The following COLEC12 variants were observed in gnomAD, a reference collection of about 807,000 sequenced individuals.
The protein encoded by COLEC12 is collectin subfamily member 12.
In COLEC12, 33 loss-of-function variants were observed where a neutral mutation model predicts 71.1. The ratio of observed to expected loss-of-function variants is 0.46; its 90% CI spans 0.35 to 0.62. The LOEUF (loss-of-function observed/expected upper bound fraction) is 0.62, where lower values mean the gene tolerates loss of function less well. COLEC12 is among the 20% of genes least tolerant of loss of function. The pLI, the probability that COLEC12 is intolerant of heterozygous loss-of-function variation, is 0.00. For synonymous variants in COLEC12, 350 were observed against 353.0 expected (o/e 0.99, Z 0.10); for missense variants, 765 against 916.1 (o/e 0.84, Z 2.13).
At chr18:465,498 CA>C (rs1370829905) in intron 2 of COLEC12, among the ~76,000 whole-genome samples, 1 of 152,192 alleles carries the variant, frequency 6.6e-6, no homozygotes, top group Non-Finnish European at 1.5e-5. Flanking sequence ...TGCTAAGATC[CA>C]AAGTTCCTTG....
At chr18:462,387 T>C (rs1341196835) in intron 2 of COLEC12, among the ~76,000 whole-genome samples, 2 of 152,174 alleles carry the variant, frequency 1.3e-5, no homozygotes, top group Admixed American at 6.5e-5. Flanking sequence ...ACAACATGGA[T>C]GAAACTTGAA....
chr18:475,892 G>A (rs1176249900), intron 2 of COLEC12, among the ~76,000 whole-genome samples: 8 of 152,208 alleles, frequency 5.3e-5, no homozygotes, highest in African/African-American at 1.4e-4. Flanking sequence ...GGGGCACTGA[G>A]AGGCAGGGCT....
chr18:482,801 T>C (rs1417670211), intron 1 of COLEC12, among the ~76,000 whole-genome samples: 2 of 151,602 alleles, frequency 1.3e-5, no homozygotes, highest in African/African-American at 2.4e-5. Flanking sequence ...TTAGTAGAGA[T>C]GGGGTTTCAC....
intron 3 of COLEC12, among the ~76,000 whole-genome samples, chr18:350,714 G>C (rs1485855239): frequency 1.3e-5 from 2 of 152,064 alleles, no homozygotes; most frequent in African/African-American, 4.8e-5. Flanking sequence ...GATCATTTGA[G>C]CTCAGGAGTT....
At chr18:482,339 C>A (rs954601682) in intron 1 of COLEC12, among the ~76,000 whole-genome samples, 13 of 152,186 alleles carry the variant, frequency 8.5e-5, no homozygotes, top group African/African-American at 2.6e-4. Context: ...GTCTCAAACT[C>A]CTGACCTTAG....
In COLEC12 at chr18:335,015, C is replaced by A; in HGVS notation, c.1543G>T (p.Gly515Trp). 1 of 1,586,966 alleles carries A rather than the reference C, an allele frequency of 6.3e-7. No individual in the cohort carries two copies. The highest frequency in any genetic ancestry group is 8.5e-7 in the Non-Finnish European group (1 of 1,171,356). Residue 515 changes from glycine (G) to tryptophan (W), a missense_variant, in exon 6 of 10, where the codon GGG becomes TGG. Transcript: ENST00000400256. ...QGPKGSRGSP[G>W]KPGPQGSSGD... ...CTGGAGCCCTGAGGGCCGGGCTTCC[C>A]AGGGGAACCACGGGAGCCTTTGGGG...
rs192525084 is a variant in COLEC12 at position 346,656 on chromosome 18, C to G, written c.966G>C (p.Glu322Asp). Residue 322 changes from glutamate to aspartate, a missense_variant, in exon 5 of 10, where the codon GAG (glutamate) becomes GAC (aspartate). Physicochemically the swap from Glu to Asp is conservative, Grantham distance 45. Coordinates refer to ENST00000400256, the MANE Select transcript of COLEC12 (RefSeq NM_130386.3). The surrounding 1 kb of genome is among the most constrained non-coding windows in gnomAD (Gnocchi z 4.0). ...GGTTGAACTTGATGGCTGTTCTATTCTCTGCATCTTTGTGTAAGTCCTGCA... is the reference window on the plus strand; with the variant it reads ...GGTTGAACTTGATGGCTGTTCTATTGTCTGCATCTTTGTGTAAGTCCTGCA... Reference protein sequence around the residue: ...KDLQDLHKDAENRTAIKFNQL... With the variant: ...KDLQDLHKDADNRTAIKFNQL... 6 of 1,614,218 alleles carry G rather than the reference C, an allele frequency of 3.7e-6. No homozygotes were observed. The Admixed American group carries it at 6.7e-5, about 18-fold the overall frequency.
chr18:358,648 G>A (rs112232709), intron 2 of COLEC12, among the ~76,000 whole-genome samples: 1 of 152,146 alleles, frequency 6.6e-6, no homozygotes, highest in Non-Finnish European at 1.5e-5. Context: ...TCACTCACTC[G>A]CCCACTGCTC....
intron 2 of COLEC12, among the ~76,000 whole-genome samples, chr18:449,078 A>G (rs1291304831): frequency 6.6e-6 from 1 of 152,036 alleles, no homozygotes; most frequent in African/African-American, 2.4e-5. Context: ...AAACCTATAA[A>G]TTATAATAAA....
At chr18:425,936 A>G (rs753719676) in intron 2 of COLEC12, among the ~76,000 whole-genome samples, 3 of 152,136 alleles carry the variant, frequency 2.0e-5, no homozygotes, top group Non-Finnish European at 4.4e-5. Context: ...TTGGTATAGC[A>G]TTTTTCATTT....
chr18:348,559 C>G (rs1374836361), intron 3 of COLEC12, among the ~76,000 whole-genome samples: 1 of 152,182 alleles, frequency 6.6e-6, no homozygotes, highest in African/African-American at 2.4e-5. Flanking sequence ...TCATCAGCTT[C>G]CCTAACATTC....
chr18:365,792 G>C (rs551670582), intron 2 of COLEC12, among the ~76,000 whole-genome samples: 1 of 152,182 alleles, frequency 6.6e-6, no homozygotes, highest in South Asian at 2.1e-4. Context: ...TTCTCCAGTT[G>C]CTCCCGCACC....
At chr18:374,784 T>G (rs752235312) in intron 2 of COLEC12, among the ~76,000 whole-genome samples, 1 of 152,116 alleles carries the variant, frequency 6.6e-6, no homozygotes, top group African/African-American at 2.4e-5. Context: ...CTGGCCCCAA[T>G]AACTAACTCA....
intron 2 of COLEC12, among the ~76,000 whole-genome samples, chr18:390,893 C>G (rs1209736665): frequency 6.6e-6 from 1 of 151,374 alleles, no homozygotes; most frequent in Non-Finnish European, 1.5e-5. Flanking sequence ...AGCAAGCACA[C>G]GGGCACAGGG....
At chr18:491,405 G>A (rs960909494) in intron 1 of COLEC12, among the ~76,000 whole-genome samples, 3 of 152,200 alleles carry the variant, frequency 2.0e-5, no homozygotes, top group Non-Finnish European at 4.4e-5. Context: ...CCTTGTAATA[G>A]CAATAAGCTC....
intron 2 of COLEC12, among the ~76,000 whole-genome samples, chr18:474,903 T>C (rs1162369719): frequency 6.6e-6 from 1 of 151,618 alleles, no homozygotes; most frequent in Non-Finnish European, 1.5e-5. Context: ...TAAAACCCCG[T>C]CTCTACTAAA....
chr18:429,373 A>C (rs1916257828), intron 2 of COLEC12, among the ~76,000 whole-genome samples: 1 of 150,212 alleles, frequency 6.7e-6, no homozygotes, highest in Admixed American at 6.7e-5. Context: ...TTTTCATGTA[A>C]TTCTTTTTTT....
intron 2 of COLEC12, among the ~76,000 whole-genome samples, chr18:459,605 C>T (rs1032759015): frequency 2.0e-5 from 3 of 152,202 alleles, no homozygotes; most frequent in Admixed American, 6.5e-5. Context: ...GGGGCCCCAG[C>T]GCAGCTTTCT....
intron 2 of COLEC12, among the ~76,000 whole-genome samples, chr18:473,740 C>G (rs1917249696): frequency 6.6e-6 from 1 of 152,232 alleles, no homozygotes. Context: ...AAGGGAAACT[C>G]TTTCCCACTC....
Sources: gnomAD v4.1 joint callset for allele counts (sites outside exome capture counted in the v4.1 genomes callset) on GRCh38, gnomAD v4.1.1 for gene constraint, Gnocchi (gnomAD v3.1) non-coding constraint, MANE v1.5 for transcripts, NCBI Gene and HGNC (gene_info 2026-07-23, HGNC 2026-07-21) for gene names.